The following EYS variants were observed in gnomAD, a reference collection of about 807,000 sequenced individuals.
The protein encoded by EYS is protein eyes shut homolog.
A neutral mutation model predicts 282.1 loss-of-function variants in EYS; 250 were observed. The ratio of observed to expected loss-of-function variants is 0.89; its 90% CI spans 0.80 to 0.98. The LOEUF (loss-of-function observed/expected upper bound fraction) is 0.98, where lower values mean the gene tolerates loss of function less well. EYS is among the 50% of genes least tolerant of loss of function. EYS has a pLI of 0.00. For missense variants in EYS, 4,016 were observed against 3,709.0 expected, an observed-to-expected ratio of 1.08 and a Z score of -2.15; for synonymous variants, 1,355 against 1,282.9, an observed-to-expected ratio of 1.06 and a Z score of -1.20.
intron 22 of EYS, among the ~76,000 whole-genome samples, chr6:64,738,393 TCCAAAAGCTTTAA>T (rs893053839): frequency 3.9e-5 from 6 of 152,190 alleles, no homozygotes; most frequent in Non-Finnish European, 8.8e-5. Context: ...AGTAAAAGCT[TCCAAAAGCTTTAA>T]CAGAAGTCAA....
chr6:64,606,754 G>A (rs1050529736), intron 24 of EYS, among the ~76,000 whole-genome samples: 2 of 151,488 alleles, frequency 1.3e-5, no homozygotes, highest in Non-Finnish European at 2.9e-5. Context: ...TCAAACTCTG[G>A]GAATGTGCAC....
chr6:64,154,437 T>C (rs1774847056), intron 31 of EYS, among the ~76,000 whole-genome samples: 1 of 108,778 alleles, frequency 9.2e-6, no homozygotes, highest in East Asian at 2.7e-4. Context: ...GGAAACTCCG[T>C]CTCAAAAAAA....
At chr6:64,797,929 C>T (rs1774408575) in intron 22 of EYS, among the ~76,000 whole-genome samples, 1 of 151,730 alleles carries the variant, frequency 6.6e-6, no homozygotes, top group Admixed American at 6.6e-5. Context: ...CTGCTTGCTC[C>T]AATTATTAGA....
intron 31 of EYS, among the ~76,000 whole-genome samples, chr6:64,115,404 C>A (rs1773345781): frequency 1.3e-5 from 2 of 152,138 alleles, no homozygotes; most frequent in African/African-American, 4.8e-5. Flanking sequence ...TGTGAGCATG[C>A]TCATAAGCTG....
At chr6:64,839,744 G>T (rs1765505084) in intron 19 of EYS, among the ~76,000 whole-genome samples, 1 of 151,996 alleles carries the variant, frequency 6.6e-6, no homozygotes, top group Admixed American at 6.6e-5. Flanking sequence ...CTGTTTTCAA[G>T]ACGATGCCTT....
chr6:64,993,609 G>T (rs1771150403), intron 14 of EYS, among the ~76,000 whole-genome samples: 1 of 149,184 alleles, frequency 6.7e-6, no homozygotes, highest in South Asian at 2.1e-4. Context: ...ATAGCATTAG[G>T]AGATATACCT....
intron 12 of EYS, among the ~76,000 whole-genome samples, chr6:65,271,709 C>T (rs971920639): frequency 1.4e-4 from 22 of 151,904 alleles, no homozygotes; most frequent in Non-Finnish European, 2.1e-4. Context: ...CAATCTCCCT[C>T]ATAGCTGGGA....
In EYS at chr6:64,590,658, G is replaced by A; in HGVS notation, c.5209C>T (p.Leu1737Phe). ...TCCAGAGAACTATCACTTGGGTGAA[G>A]TTTGAACAGTGTATGAGATCCTTTA... ...KSKGSHTLFK[L>F]HPSDSSLDFE... The change falls in exon 26 of 43, where the codon CTT (leucine) becomes TTT (phenylalanine). Residue 1737 changes from leucine (L) to phenylalanine (F), a missense_variant. Transcript: ENST00000503581. The A allele has an allele frequency of 3.2e-6, 5 of 1,551,320 alleles. No individual in the cohort carries two copies. Among genetic ancestry groups the A allele is most frequent in the Non-Finnish European group, 4.4e-6 (5 of 1,146,744 alleles).
At chr6:63,870,059 A>G (rs1331406748) in intron 35 of EYS, among the ~76,000 whole-genome samples, 3 of 152,184 alleles carry the variant, frequency 2.0e-5, no homozygotes, top group Non-Finnish European at 2.9e-5. Context: ...GCAGGATTCA[A>G]TATAACAGAA....
At chr6:64,959,864 C>T (rs1769854500) in intron 14 of EYS, among the ~76,000 whole-genome samples, 1 of 144,460 alleles carries the variant, frequency 6.9e-6, no homozygotes, top group African/African-American at 2.6e-5. Context: ...TTAAGTAGTT[C>T]ACGACTCAGG....
intron 12 of EYS, among the ~76,000 whole-genome samples, chr6:65,266,433 T>G (rs1236704559): frequency 1.3e-5 from 2 of 151,958 alleles, no homozygotes; most frequent in Non-Finnish European, 2.9e-5. Flanking sequence ...TTCACTTTGA[T>G]GCATGGCACC....
intron 40 of EYS, among the ~76,000 whole-genome samples, chr6:63,774,380 G>A (rs1182473308): frequency 6.6e-6 from 1 of 152,000 alleles, no homozygotes; most frequent in Non-Finnish European, 1.5e-5. Context: ...TGTTGACCAG[G>A]CTGGTCTTGA....
At chr6:64,718,328 T>C (rs1340747765) in intron 22 of EYS, among the ~76,000 whole-genome samples, 1 of 152,204 alleles carries the variant, frequency 6.6e-6, no homozygotes, top group Non-Finnish European at 1.5e-5. Flanking sequence ...GTTACAGCTT[T>C]CCACCTGATT....
At chr6:65,434,858 T>G (rs1161163220) in intron 5 of EYS, among the ~76,000 whole-genome samples, 5 of 152,220 alleles carry the variant, frequency 3.3e-5, no homozygotes, top group Non-Finnish European at 7.4e-5. Context: ...GACCTGTTTG[T>G]CTCATTTCAA....
At chr6:64,819,477 G>T (rs911838562) in intron 21 of EYS, among the ~76,000 whole-genome samples, 1 of 152,020 alleles carries the variant, frequency 6.6e-6, no homozygotes, top group African/African-American at 2.4e-5. Flanking sequence ...TATGAAAAGT[G>T]GAGCATTCCA....
At chr6:63,968,670 C>A (rs1324282777) in intron 35 of EYS, among the ~76,000 whole-genome samples, 2 of 152,152 alleles carry the variant, frequency 1.3e-5, no homozygotes, top group East Asian at 3.9e-4. Flanking sequence ...TCAGAGGTTT[C>A]TCGAAACTCT....
At chr6:64,253,014 T>A (rs1767274024) in intron 30 of EYS, among the ~76,000 whole-genome samples, 1 of 152,154 alleles carries the variant, frequency 6.6e-6, no homozygotes, top group Admixed American at 6.6e-5. Flanking sequence ...TAAAGGCCAC[T>A]GCATATTACA....
At chr6:64,418,033 A>C (rs1774114778) in intron 28 of EYS, among the ~76,000 whole-genome samples, 2 of 152,160 alleles carry the variant, frequency 1.3e-5, no homozygotes, top group Admixed American at 1.3e-4. Flanking sequence ...TGTTTTTCAA[A>C]AATGTTTTCA....
intron 13 of EYS, among the ~76,000 whole-genome samples, chr6:65,044,481 T>C (rs1229667729): frequency 6.6e-6 from 1 of 151,846 alleles, no homozygotes; most frequent in East Asian, 1.9e-4. Context: ...GATTTTCCCC[T>C]ATATTTTCTT....
Sources: gnomAD v4.1 joint callset for allele counts (sites outside exome capture counted in the v4.1 genomes callset) on GRCh38, gnomAD v4.1.1 for gene constraint, MANE v1.5 for transcripts, NCBI Gene and HGNC (gene_info 2026-07-23, HGNC 2026-07-21) for gene names.